DCT: variants seen among roughly 807,000 people sequenced by gnomAD.
The protein encoded by DCT is dopachrome tautomerase.
In DCT, 47 loss-of-function variants were observed where a neutral mutation model predicts 53.0. The ratio of observed to expected loss-of-function variants is 0.89; its 90% CI spans 0.70 to 1.13. DCT has a LOEUF of 1.13. Among genes scored for constraint, DCT ranks in the 50% most tolerant of loss-of-function variants. The pLI, the probability that DCT is intolerant of heterozygous loss-of-function variation, is 0.00. For synonymous variants in DCT, 244 were observed against 237.0 expected, an observed-to-expected ratio of 1.03 and a Z score of -0.27; for missense variants, 669 against 637.4, an observed-to-expected ratio of 1.05 and a Z score of -0.53.
At chr13:94,542,593 C>T in the DCT span, among the ~76,000 whole-genome samples, 1 of 152,204 alleles carries the variant, frequency 6.6e-6, no homozygotes, top group African/African-American at 2.4e-5. Context: ...CATACTGCCT[C>T]CTGCTTCATG....
chr13:94,440,107 G>T, intron 7 of DCT, 31 bp from the exon 8 acceptor site: 1 of 1,577,446 alleles, frequency 6.3e-7, no homozygotes, highest in Non-Finnish European at 8.6e-7. Context: ...CTACAATCAG[G>T]ATTTTCATCA....
rs564975857 is a variant in DCT, at chr13:94,438,714, T to C, written c.*1184A>G. 1 of 453,368 alleles carries C rather than the reference T, an allele frequency of 2.2e-6. No individual in the cohort carries two copies. Among genetic ancestry groups the C allele is most frequent in the African/African-American group, 2.0e-5 (1 of 50,118 alleles). The allele number at this position is 453,368 out of a possible 1,614,324, so 28.1% of individuals were successfully genotyped here. On this transcript the variant is annotated 3_prime_UTR_variant, in exon 8 of 8. Transcript: ENST00000377028. ...TAAGTCTGAACATCGTAGTAAAGAT[T>C]GTCTCATTCTTATTCCTCATGATCT...
upstream of DCT, among the ~76,000 whole-genome samples, chr13:94,483,391 C>A (rs916052919): frequency 6.6e-6 from 1 of 151,640 alleles, no homozygotes; most frequent in African/African-American, 2.4e-5. Context: ...CTTTGGTAAC[C>A]CAGTCAGGCT....
chr13:94,544,029 T>C, the DCT span, among the ~76,000 whole-genome samples: 2 of 111,810 alleles, frequency 1.8e-5, no homozygotes, highest in African/African-American at 5.7e-5. Context: ...AGCAAGACTC[T>C]GTCTCAAAAA....
In DCT at chr13:94,479,308, G is replaced by A. The variant is rs781177718; in HGVS notation, c.-53C>T. 1.7e-5 allele frequency: 24 copies of A among 1,432,982 alleles called. No individual in the cohort carries two copies. Among genetic ancestry groups the A allele is most frequent in the Middle Eastern group, 1.8e-4 (1 of 5,452 alleles). 88.8% of individuals were successfully genotyped at this position (1,432,982 alleles called of 1,614,324 possible). A position where few individuals can be genotyped will look rare whatever the true frequency, so the allele number is the denominator to read the frequency against. On this transcript the variant is annotated 5_prime_UTR_variant, in exon 1 of 8. The change creates a new upstream start codon in the 5' untranslated region. Coordinates refer to ENST00000377028, the MANE Select transcript of DCT (RefSeq NM_001922.5). ...CTCTCTTACTTTCCTTGTCTCTGTC[G>A]TACTTTTCTCCTTATCTTCTACTCT...
In DCT at chr13:94,438,909, A is replaced by G. The variant is rs1882076868; in HGVS notation, c.*989T>C. 1 of 218,190 alleles carries G rather than the reference A, an allele frequency of 4.6e-6. No individual in the cohort carries two copies. The highest frequency in any genetic ancestry group is 9.3e-6 in the Non-Finnish European group (1 of 107,272). The allele number at this position is 218,190 out of a possible 1,614,324, so 13.5% of individuals were successfully genotyped here. Reference sequence around the variant, plus strand: ...TGCTTAAAAATAAGCCCAGTGCATTATGTGGGAATAATTTTTCATCTGAGG... The same window carrying G: ...TGCTTAAAAATAAGCCCAGTGCATTGTGTGGGAATAATTTTTCATCTGAGG... On this transcript the variant is annotated 3_prime_UTR_variant, in exon 8 of 8. Coordinates refer to ENST00000377028, the MANE Select transcript of DCT (RefSeq NM_001922.5).
At chr13:94,535,258 C>T in the DCT span, among the ~76,000 whole-genome samples, 1 of 152,158 alleles carries the variant, frequency 6.6e-6, no homozygotes, top group Non-Finnish European at 1.5e-5. Flanking sequence ...CACAGAGTTT[C>T]ACGGTATATG....
intron 6 of DCT, 24 bp downstream of exon 6, chr13:94,460,067 T>C: frequency 1.2e-6 from 2 of 1,607,024 alleles, no homozygotes; most frequent in Non-Finnish European, 1.7e-6. Context: ...AAAATTTTCA[T>C]GCATTCTGAA....
At chr13:94,529,403 C>T in the DCT span, among the ~76,000 whole-genome samples, 1 of 152,196 alleles carries the variant, frequency 6.6e-6, no homozygotes, top group Non-Finnish European at 1.5e-5. Context: ...AAACACTCCT[C>T]AGCAAATGTA....
the DCT span, among the ~76,000 whole-genome samples, chr13:94,496,122 G>A: frequency 1.3e-5 from 2 of 152,134 alleles, no homozygotes; most frequent in African/African-American, 2.4e-5. Context: ...CTTATAAAGT[G>A]TGATCCAGCT....
At chr13:94,496,355 G>C in the DCT span, among the ~76,000 whole-genome samples, 8 of 151,982 alleles carry the variant, frequency 5.3e-5, 1 homozygote, top group East Asian at 9.7e-4. Flanking sequence ...CACCACACCC[G>C]GCTAATTTTT....
Position 94,468,850 on chromosome 13 carries a change from A to G in DCT, c.491T>C (p.Leu164Pro). 6.2e-7 allele frequency: 1 copy of G among 1,614,224 alleles called. No individual in the cohort carries two copies. The highest frequency in any genetic ancestry group is 1.1e-5 in the South Asian group (1 of 91,084). Residue 164 changes from leucine (L) to proline (P), a missense_variant, in exon 2 of 8, where the codon CTG becomes CCG. Physicochemically the swap from Leu to Pro is moderately conservative, Grantham distance 98 (BLOSUM62 -3). Transcript: ENST00000377028. Reference sequence around the variant, plus strand: ...GGTTCCATTGGGCCCAAGCAGGCCCAGCCAGTGTTGTGTGGTGATCACGTA... The same window carrying G: ...GGTTCCATTGGGCCCAAGCAGGCCCGGCCAGTGTTGTGTGGTGATCACGTA... The part of the protein sequence containing the change: ...PDYVITTQHW[L>P]GLLGPNGTQP...
chr13:94,456,263 C>T (rs547771992), intron 6 of DCT, among the ~76,000 whole-genome samples: 6 of 152,206 alleles, frequency 3.9e-5, no homozygotes, highest in Admixed American at 2.6e-4. Context: ...CAACTAATTC[C>T]GTCTCAGGAT....
At chr13:94,495,392 C>T in the DCT span, among the ~76,000 whole-genome samples, 6 of 152,172 alleles carry the variant, frequency 3.9e-5, no homozygotes, top group Admixed American at 3.3e-4. Flanking sequence ...CCACCACAAC[C>T]GGCCTTACAT....
At chr13:94,452,399 T>C (rs1473136391) in intron 6 of DCT, among the ~76,000 whole-genome samples, 5 of 152,142 alleles carry the variant, frequency 3.3e-5, no homozygotes, top group Non-Finnish European at 7.3e-5. Context: ...ACCTATCACG[T>C]TGACAAAGAT....
chr13:94,476,654 T>C (rs993998367), intron 1 of DCT, among the ~76,000 whole-genome samples: 23 of 152,024 alleles, frequency 1.5e-4, no homozygotes, highest in Non-Finnish European at 2.8e-4. Context: ...TTTTGTATTT[T>C]TAGTAGAGAC....
At chr13:94,469,083 T>C (rs1884446605) in intron 1 of DCT, 38 bp from the exon 2 acceptor site, 1 of 1,541,760 alleles carries the variant, frequency 6.5e-7, no homozygotes, top group South Asian at 1.1e-5. Context: ...GGAAGGGGGT[T>C]TATGTCGTTT....
chr13:94,470,719 T>C (rs1884590543), intron 1 of DCT, among the ~76,000 whole-genome samples: 5 of 152,228 alleles, frequency 3.3e-5, no homozygotes, highest in Admixed American at 3.3e-4. Context: ...TTTACCTGCG[T>C]GATCCATTTC....
chr13:94,468,934 T>G lies in DCT; in HGVS notation c.407A>C (p.Gln136Pro), dbSNP rs149635974. The G allele has an allele frequency of 1.1e-5, 17 of 1,614,162 alleles. No individual in the cohort carries two copies. Among genetic ancestry groups the G allele is most frequent in the South Asian group, 6.6e-5 (6 of 91,076 alleles). The part of the protein sequence containing the change: ...IRQNIHSLSP[Q>P]EREQFLGALD... ...GGCGCCCAAGAACTGCTCTCTTTCC[T>G]GAGGACTCAAGGAATGGATGTTCTG... is the stretch of plus-strand genomic sequence containing the variant. The change falls in exon 2 of 8, where the codon CAG (glutamine) becomes CCG (proline). Residue 136 changes from glutamine (Q) to proline (P), a missense_variant. By Grantham distance (76) the Gln-to-Pro change is moderately conservative. Transcript: ENST00000377028.
Sources: allele counts gnomAD v4.1 joint callset (sites outside exome capture counted in the v4.1 genomes callset), GRCh38; gene constraint gnomAD v4.1.1; transcripts MANE v1.5; gene names NCBI Gene and HGNC (gene_info 2026-07-23, HGNC 2026-07-21).